The following GPM6B variants were observed in gnomAD, a reference collection of about 807,000 sequenced individuals.
GPM6B encodes neuronal membrane glycoprotein M6-b.
GPM6B carries 4 observed loss-of-function variants against 27.2 expected under a neutral mutation model. The observed-to-expected ratio is 0.15, with a 90% CI of 0.07 to 0.34. The LOEUF (loss-of-function observed/expected upper bound fraction) is 0.34. GPM6B is among the 10% of genes least tolerant of loss of function. The pLI is 1.00. For missense variants in GPM6B, 183 were observed against 261.9 expected (o/e 0.70, Z 2.08); for synonymous variants, 124 against 103.1 (o/e 1.20, Z -1.23).
intron 1 of GPM6B, among the ~76,000 whole-genome samples, chrX:13,846,013 A>C (rs1193904486): frequency 9.0e-6 from 1 of 111,609 alleles, no homozygotes; most frequent in Non-Finnish European, 1.9e-5. Flanking sequence ...CAGGTAGAAC[A>C]AGTAAGGACA....
intron 1 of GPM6B, among the ~76,000 whole-genome samples, chrX:13,914,151 T>C (rs1244778346): frequency 8.9e-6 from 1 of 112,286 alleles, no homozygotes; most frequent in Non-Finnish European, 1.9e-5. Context: ...CAGTGTATCA[T>C]TATTCTGAAA....
At chrX:13,865,542 CAAAAA>C (rs1171503867) in intron 1 of GPM6B, among the ~76,000 whole-genome samples, 38 of 14,629 alleles carry the variant, frequency 2.6e-3, no homozygotes, top group Non-Finnish European at 4.3e-3. Flanking sequence ...TCCATCTCTT[CAAAAA>C]AAAAAAAAAA....
At chrX:13,925,681 C>G (rs1921136601) in intron 1 of GPM6B, among the ~76,000 whole-genome samples, 1 of 110,352 alleles carries the variant, frequency 9.1e-6, no homozygotes, top group South Asian at 3.9e-4. Flanking sequence ...TCTTGGGGTA[C>G]AAAGGAAAAT....
intron 2 of GPM6B, among the ~76,000 whole-genome samples, chrX:13,790,358 A>C (rs1278369797): frequency 8.9e-6 from 1 of 112,525 alleles, no homozygotes; most frequent in Non-Finnish European, 1.9e-5. Flanking sequence ...TGTGCTTTGC[A>C]AAGTGTGTTC....
chrX:13,842,935 TGACATACCATACAATTCACCATTTTAA>T (rs1347190938), intron 1 of GPM6B, among the ~76,000 whole-genome samples: 3 of 111,705 alleles, frequency 2.7e-5, no homozygotes, highest in Non-Finnish European at 5.6e-5. Context: ...TTATTATCAT[TGACATACCATACAATTCACCATTTTAA>T]GTGTACAATT....
At chrX:13,907,995 C>T (rs754237747) in intron 1 of GPM6B, among the ~76,000 whole-genome samples, 31 of 111,902 alleles carry the variant, frequency 2.8e-4, no homozygotes, top group Admixed American at 2.6e-3. Flanking sequence ...AAGTCAAAAG[C>T]ACAGCTATTT....
intron 1 of GPM6B, among the ~76,000 whole-genome samples, chrX:13,858,599 C>T (rs757057703): frequency 9.0e-6 from 1 of 111,440 alleles, no homozygotes; most frequent in African/African-American, 3.3e-5. Flanking sequence ...TCAAAGTCCT[C>T]GAGTCTTTCC....
intron 1 of GPM6B, among the ~76,000 whole-genome samples, chrX:13,904,405 G>A (rs1267274394): frequency 1.8e-5 from 2 of 111,772 alleles, no homozygotes; most frequent in African/African-American, 3.3e-5. Context: ...TCAGTTAGAG[G>A]TTAGTGACAA....
chrX:13,851,942 A>G (rs1403274955), intron 1 of GPM6B, among the ~76,000 whole-genome samples: 1 of 108,384 alleles, frequency 9.2e-6, no homozygotes, highest in Non-Finnish European at 1.9e-5. Flanking sequence ...GAGTTTGCTC[A>G]GAGTTTATAA....
rs768500224 is a variant in GPM6B, at chrX:13,881,481, C to T, written c.-198+56846G>A. On this transcript the variant is annotated intron_variant, in intron 1 of 6. Transcript: ENST00000398361. ...GAGCCATGATTGCATCACTGCACCC[C>T]GGCCTGGGTGACAGAGCAAGACCCT... Among the ~76,000 whole-genome samples, 980 of 106,745 alleles carry T rather than the reference C, an allele frequency of 9.2e-3. 15 individuals are homozygous for T. The highest frequency in any genetic ancestry group is 0.032 in the African/African-American group (930 of 29,161). The allele number at this position is 106,745 out of a possible 115,157, so 92.7% of individuals were successfully genotyped here. A position where few individuals can be genotyped will look rare whatever the true frequency, so the allele number is the denominator to read the frequency against.
At chrX:13,927,788 T>C (rs1036925588) in intron 1 of GPM6B, among the ~76,000 whole-genome samples, 2 of 112,606 alleles carry the variant, frequency 1.8e-5, no homozygotes. Flanking sequence ...CTCCTCAAAA[T>C]GTACTTTCCA....
intron 1 of GPM6B, 152 bp downstream of exon 1, chrX:13,816,692 A>G: frequency 3.2e-6 from 2 of 619,674 alleles, no homozygotes; most frequent in Non-Finnish European, 5.4e-6. Flanking sequence ...ACTTAACATC[A>G]GCCCACAGGA....
chrX:13,926,113 T>A (rs1331167571), intron 1 of GPM6B, among the ~76,000 whole-genome samples: 2 of 104,701 alleles, frequency 1.9e-5, no homozygotes, highest in Non-Finnish European at 3.9e-5. Flanking sequence ...CTGACAGGTA[T>A]GTTTGTGGAG....
At position 13,904,276 on chromosome X, in the gene GPM6B, T is replaced by C. The variant is rs759863568; in HGVS notation, c.-198+34051A>G. On this transcript the variant is annotated intron_variant, in intron 1 of 6. Coordinates refer to the GPM6B transcript ENST00000398361. ...TGATGAGTTTAATGATATTTTGAGA[T>C]ACCTGCAATAACTGTAATGGGATAT... Among the ~76,000 whole-genome samples, 4 of 112,211 alleles carry C rather than the reference T, an allele frequency of 3.6e-5. No individual in the cohort carries two copies. In the South Asian group the frequency reaches 1.5e-3, roughly 42 times the overall value.
In GPM6B at chrX:13,846,612, TC is replaced by T. The variant is rs781430216; in HGVS notation, c.-197-60805del. Among the ~76,000 whole-genome samples the T allele has an allele frequency of 5.0e-3, 551 of 109,251 alleles. 2 individuals carry two copies. The highest frequency in any genetic ancestry group is 0.017 in the African/African-American group (521 of 30,007). The allele number at this position is 109,251 out of a possible 115,157, so 94.9% of individuals were successfully genotyped here. On this transcript the variant is annotated intron_variant, in intron 1 of 6. Transcript: ENST00000398361. Reference sequence around the variant, plus strand: ...TTCACGCCATTCCCCTGCCTCAGCCTCCCAAGTAGCTGGTACTACAGGCGCC... The same window carrying T: ...TTCACGCCATTCCCCTGCCTCAGCCTCCAAGTAGCTGGTACTACAGGCGCC...
At chrX:13,833,787 T>C (rs1241779191) in intron 1 of GPM6B, among the ~76,000 whole-genome samples, 2 of 112,278 alleles carry the variant, frequency 1.8e-5, no homozygotes, top group African/African-American at 3.2e-5. Flanking sequence ...TGAGGTCAGT[T>C]AGTCATACAC....
chrX:13,904,927 CCCA>C (rs1569297438), intron 1 of GPM6B, among the ~76,000 whole-genome samples: 1 of 110,688 alleles, frequency 9.0e-6, no homozygotes, highest in Non-Finnish European at 1.9e-5. Flanking sequence ...CCAGTTCAGG[CCCA>C]CATCTGCCTT....
chrX:13,864,639 C>T (rs2049889214), intron 1 of GPM6B, among the ~76,000 whole-genome samples: 1 of 112,454 alleles, frequency 8.9e-6, no homozygotes, highest in African/African-American at 3.2e-5. Flanking sequence ...ACTCACTCAT[C>T]GGTGAGCCCC....
chrX:13,771,180 TAAACA>T lies in GPM6B; in HGVS notation c.*1696_*1700del, dbSNP rs1008881423. The stretch of plus-strand genomic sequence containing the variant: ...TTTACATAAAAAATATTAGACTACT[TAAACA>T]AAACTTTCAAAAATTCCTGGTAATA... On this transcript the variant is annotated 3_prime_UTR_variant, in exon 8 of 8. Transcript: ENST00000316715. 1.8e-5 allele frequency: 2 copies of T among 112,074 alleles called. No homozygotes were observed. The highest frequency in any genetic ancestry group is 9.5e-5 in the Admixed American group (1 of 10,520). 9.2% of individuals were successfully genotyped at this position (112,074 alleles called of 1,213,427 possible). A position where few individuals can be genotyped will look rare whatever the true frequency, so the allele number is the denominator to read the frequency against.
Sources: allele counts gnomAD v4.1 joint callset (sites outside exome capture counted in the v4.1 genomes callset), GRCh38; gene constraint gnomAD v4.1.1; transcripts MANE v1.5; gene names NCBI Gene and HGNC (gene_info 2026-07-23, HGNC 2026-07-21).